Variants in PHF14 observed in about 807,000 individuals in gnomAD.
PHF14 encodes PHD finger protein 14.
Under a neutral mutation model 117.9 loss-of-function variants are expected in PHF14, and 55 were observed. The ratio of observed to expected loss-of-function variants is 0.47; its 90% CI spans 0.38 to 0.58. The LOEUF is 0.58. Ranked by LOEUF, PHF14 falls within the 20% of genes least tolerant of loss-of-function variation. The pLI is 0.00. For synonymous variants in PHF14, 409 were observed against 368.6 expected (o/e 1.11, Z -1.26); for missense variants, 978 against 1,122.2 (o/e 0.87, Z 1.84).
intron 5 of PHF14, among the ~76,000 whole-genome samples, chr7:11,020,418 C>A (rs1373045553): frequency 6.6e-6 from 1 of 152,034 alleles, no homozygotes; most frequent in Admixed American, 6.6e-5. Context: ...GGCTTTGTCA[C>A]CCTGACTGGA....
intron 11 of PHF14, among the ~76,000 whole-genome samples, 166 bp downstream of exon 11, chr7:11,039,021 G>A (rs1424490695): frequency 2.0e-5 from 3 of 152,088 alleles, no homozygotes; most frequent in African/African-American, 4.8e-5. Flanking sequence ...CTAGAGCATT[G>A]GAAGCTGCCT....
At chr7:10,981,297 G>A (rs1376599365) in intron 2 of PHF14, among the ~76,000 whole-genome samples, 3 of 152,102 alleles carry the variant, frequency 2.0e-5, no homozygotes, top group Non-Finnish European at 4.4e-5. Context: ...ATCATCCTGT[G>A]GATTTTACTG....
chr7:11,087,869 G>T (rs1786478339), intron 16 of PHF14, among the ~76,000 whole-genome samples: 1 of 152,130 alleles, frequency 6.6e-6, no homozygotes, highest in South Asian at 2.1e-4. Context: ...ATTTTAAGAA[G>T]TCGAATGGGG....
At chr7:11,014,839 G>T (rs1168867100) in intron 5 of PHF14, 1 of 151,086 alleles carries the variant, frequency 6.6e-6, no homozygotes, top group Non-Finnish European at 1.5e-5. Flanking sequence ...ACTCATGTTT[G>T]TTAACACATT....
At chr7:11,072,200 G>A (rs898945078) in intron 16 of PHF14, among the ~76,000 whole-genome samples, 39 of 152,158 alleles carry the variant, frequency 2.6e-4, no homozygotes, top group African/African-American at 9.2e-4. Flanking sequence ...AGCAAAGGGG[G>A]TAAAGGCATC....
chr7:10,974,722 CAGTT>C (rs1222384901), intron 1 of PHF14, 109 bp from the exon 2 acceptor site: 66 of 646,182 alleles, frequency 1.0e-4, no homozygotes, highest in Admixed American at 3.3e-4. Context: ...GCTGAGAACT[CAGTT>C]AGACAAAAAT....
chr7:11,006,099 G>A (rs2128314139), intron 4 of PHF14, among the ~76,000 whole-genome samples: 1 of 152,228 alleles, frequency 6.6e-6, no homozygotes, highest in African/African-American at 2.4e-5. Context: ...CAAAAGATAA[G>A]TGTATTTAAA....
rs369069246 is a variant in PHF14, at chr7:11,000,709, T to A, written c.1045+9862T>A. ...TCTTTTGCCCATTTTTAAAAATTGG[T>A]TTGTTTTCTTATTGTTAAGTTTTAA... On this transcript the variant is annotated intron_variant, in intron 4 of 17. Coordinates refer to ENST00000634607, the MANE Select transcript of PHF14 (RefSeq NM_001007157.2). 5.9e-5 allele frequency among the ~76,000 whole-genome samples: 9 copies of A among 152,262 alleles called. No homozygotes were observed. In the East Asian group the frequency reaches 1.4e-3, roughly 23 times the overall value.
At chr7:11,011,013 CAATT>C (rs1269203307) in intron 4 of PHF14, among the ~76,000 whole-genome samples, 7 of 152,172 alleles carry the variant, frequency 4.6e-5, no homozygotes, top group East Asian at 1.9e-4. Flanking sequence ...ATAAGGATAA[CAATT>C]AAACAGTTGC....
chr7:11,165,921 G>A (rs1448523256), intron 17 of PHF14, among the ~76,000 whole-genome samples: 1 of 152,120 alleles, frequency 6.6e-6, no homozygotes, highest in Non-Finnish European at 1.5e-5. Flanking sequence ...GCCACCTGGA[G>A]TATCAGCCCA....
chr7:11,039,349 T>C (rs964336144), intron 11 of PHF14, among the ~76,000 whole-genome samples: 43 of 152,148 alleles, frequency 2.8e-4, no homozygotes, highest in African/African-American at 1.0e-3. Flanking sequence ...TTTTAAACTT[T>C]AATGTTAAAA....
chr7:11,056,598 A>C (rs112430361), intron 14 of PHF14, among the ~76,000 whole-genome samples: 2,451 of 152,048 alleles, frequency 0.016, 55 homozygotes, highest in African/African-American at 0.056. Context: ...AACAGATGAC[A>C]CCTTGTTCAT....
intron 16 of PHF14, chr7:11,104,538 C>T (rs932059038): frequency 8.0e-5 from 78 of 980,154 alleles, no homozygotes; most frequent in Non-Finnish European, 8.8e-5. Context: ...AAAAAAATGG[C>T]ACATCAGGTA....
At position 11,146,801 on chromosome 7, in the gene PHF14, A is replaced by T. The variant is rs545554689; in HGVS notation, c.2773-22615A>T. 4.6e-5 allele frequency among the ~76,000 whole-genome samples: 7 copies of T among 152,204 alleles called. No homozygotes were observed. The South Asian group carries it at 1.0e-3, about 23-fold the overall frequency. ...GTTCTGTTTACAATAAATGCAATTG[A>T]CTCACTTTTGTGCAAATCAACGATG... On this transcript the variant is annotated intron_variant, in intron 17 of 17. Coordinates refer to ENST00000634607, the MANE Select transcript of PHF14 (RefSeq NM_001007157.2).
chr7:11,100,525 G>A (rs1213397046), intron 16 of PHF14, among the ~76,000 whole-genome samples: 2 of 151,900 alleles, frequency 1.3e-5, no homozygotes, highest in African/African-American at 2.4e-5. Flanking sequence ...ATTAAGTTAT[G>A]TATTAGAATA....
intron 17 of PHF14, among the ~76,000 whole-genome samples, chr7:11,144,689 A>G (rs1788497928): frequency 6.6e-6 from 1 of 151,326 alleles, no homozygotes; most frequent in African/African-American, 2.4e-5. Flanking sequence ...AATTTAGTGT[A>G]TATTCTTAAA....
intron 16 of PHF14, among the ~76,000 whole-genome samples, chr7:11,064,407 T>C (rs751753648): frequency 4.6e-5 from 7 of 151,968 alleles, no homozygotes; most frequent in Non-Finnish European, 7.4e-5. Context: ...TAAGGATTTA[T>C]TTTCTCTACA....
intron 13 of PHF14, among the ~76,000 whole-genome samples, chr7:11,048,978 G>A (rs1008701623): frequency 6.6e-6 from 1 of 152,112 alleles, no homozygotes; most frequent in African/African-American, 2.4e-5. Context: ...ATTATTTATA[G>A]TGGGGATGGA....
At chr7:11,021,243 A>T (rs1010323066) in intron 5 of PHF14, among the ~76,000 whole-genome samples, 7 of 152,184 alleles carry the variant, frequency 4.6e-5, no homozygotes, top group African/African-American at 1.7e-4. Context: ...TTCCCCAGTC[A>T]GCATCTGTCA....
Sources: gnomAD v4.1 joint callset for allele counts (sites outside exome capture counted in the v4.1 genomes callset) on GRCh38, gnomAD v4.1.1 for gene constraint, MANE v1.5 for transcripts, NCBI Gene and HGNC (gene_info 2026-07-23, HGNC 2026-07-21) for gene names.